CTIF: variants seen among roughly 807,000 people sequenced by gnomAD.
CTIF encodes CBP80/20-dependent translation initiation factor.
In CTIF, 21 loss-of-function variants were observed where a neutral mutation model predicts 66.0. The observed-to-expected ratio is 0.32, with a 90% CI of 0.23 to 0.46. The LOEUF (loss-of-function observed/expected upper bound fraction) is 0.46. Ranked by LOEUF, CTIF falls within the 20% of genes least tolerant of loss-of-function variation. The pLI, the probability that CTIF is intolerant of heterozygous loss-of-function variation, is 1.00. For missense variants in CTIF, 739 were observed against 812.7 expected, an observed-to-expected ratio of 0.91 and a Z score of 1.10; for synonymous variants, 345 against 326.4, an observed-to-expected ratio of 1.06 and a Z score of -0.62.
chr18:48,749,785 C>T (rs1388148891), intron 7 of CTIF, among the ~76,000 whole-genome samples: 1 of 152,212 alleles, frequency 6.6e-6, no homozygotes, highest in Non-Finnish European at 1.5e-5. Flanking sequence ...CTCTGGGGAT[C>T]TGGCTCCAAA....
intron 7 of CTIF, among the ~76,000 whole-genome samples, chr18:48,741,847 A>G (rs1276575518): frequency 6.6e-6 from 1 of 152,136 alleles, no homozygotes; most frequent in Non-Finnish European, 1.5e-5. Context: ...GGCCACACTC[A>G]GCACAAGAAG....
At chr18:48,647,418 A>C (rs560663298) in intron 3 of CTIF, among the ~76,000 whole-genome samples, 17 of 152,286 alleles carry the variant, frequency 1.1e-4, no homozygotes, top group African/African-American at 4.1e-4. Flanking sequence ...ACTTCATCAT[A>C]ATTAAACTTT....
At chr18:48,847,092 G>A (rs12373440) in intron 10 of CTIF, among the ~76,000 whole-genome samples, 41,268 of 151,794 alleles carry the variant, frequency 0.27, 5,784 homozygotes, top group Admixed American at 0.32. Flanking sequence ...GGCAAATCAC[G>A]AGGTCAAGAG....
intron 7 of CTIF, among the ~76,000 whole-genome samples, chr18:48,753,892 C>T (rs956906658): frequency 2.0e-5 from 3 of 152,204 alleles, no homozygotes; most frequent in Admixed American, 1.3e-4. Flanking sequence ...ACCCCAAACC[C>T]GCAGGTTTCG....
Position 48,859,828 on chromosome 18 carries a change from T to G in CTIF, c.*269T>G, listed in dbSNP as rs1235836968. On this transcript the variant is annotated 3_prime_UTR_variant, in exon 12 of 12. Transcript: ENST00000256413. Reference sequence around the variant, plus strand: ...TTCCTGGTGGCCCTGGCCCTCCCCTTCCTCACTCCCGCCTCTCCCCTCCCC... The same window carrying G: ...TTCCTGGTGGCCCTGGCCCTCCCCTGCCTCACTCCCGCCTCTCCCCTCCCC... 1 of 626,544 alleles carries G rather than the reference T, an allele frequency of 1.6e-6. No homozygotes were observed. Among genetic ancestry groups the G allele is most frequent in the Non-Finnish European group, 3.0e-6 (1 of 336,036 alleles). 38.8% of individuals were successfully genotyped at this position (626,544 alleles called of 1,614,324 possible).
At chr18:48,540,663 T>C (rs2088588216) in intron 1 of CTIF, among the ~76,000 whole-genome samples, 1 of 151,982 alleles carries the variant, frequency 6.6e-6, no homozygotes, top group Admixed American at 6.5e-5. Context: ...CGCGTGCGTC[T>C]CCACCCCGAG....
intron 9 of CTIF, among the ~76,000 whole-genome samples, chr18:48,783,235 C>A (rs1911404817): frequency 6.6e-6 from 1 of 152,178 alleles, no homozygotes; most frequent in South Asian, 2.1e-4. Flanking sequence ...GGGGCCAGTC[C>A]ACCAACCACA....
intron 7 of CTIF, among the ~76,000 whole-genome samples, chr18:48,726,649 A>T (rs2092389543): frequency 6.6e-6 from 1 of 152,180 alleles, no homozygotes; most frequent in South Asian, 2.1e-4. Context: ...AGAGAGACAG[A>T]CAGGAAGACA....
At chr18:48,545,995 G>C (rs1415934056) in intron 1 of CTIF, among the ~76,000 whole-genome samples, 1 of 152,172 alleles carries the variant, frequency 6.6e-6, no homozygotes, top group Non-Finnish European at 1.5e-5. Context: ...GTGAGTTAGG[G>C]GAGAGGCATT....
intron 9 of CTIF, among the ~76,000 whole-genome samples, chr18:48,764,671 C>G (rs1255844411): frequency 5.3e-5 from 8 of 152,316 alleles, no homozygotes; most frequent in South Asian, 2.1e-4. Flanking sequence ...TCTCCTCCCC[C>G]ACAGTGGAGG....
chr18:48,542,610 G>C lies in CTIF; in HGVS notation c.-29+3298G>C, dbSNP rs552388320. ...ACTCTGCTTCTCTACAAAGATAGTA[G>C]AGCAGAGATAGTTAAGTTGCAATGC... On this transcript the variant is annotated intron_variant, in intron 1 of 11. Coordinates refer to ENST00000256413, the MANE Select transcript of CTIF (RefSeq NM_014772.3). 1.5e-3 allele frequency among the ~76,000 whole-genome samples: 233 copies of C among 152,324 alleles called. 3 individuals carry two copies. The South Asian group carries it at 0.018, about 12-fold the overall frequency.
intron 10 of CTIF, among the ~76,000 whole-genome samples, chr18:48,831,186 C>T (rs1321374035): frequency 6.6e-6 from 1 of 152,214 alleles, no homozygotes; most frequent in Non-Finnish European, 1.5e-5. Flanking sequence ...GCAAGCAAGC[C>T]CAAAAGGGGC....
intron 6 of CTIF, among the ~76,000 whole-genome samples, chr18:48,687,220 G>A (rs1265951948): frequency 6.6e-6 from 1 of 151,696 alleles, no homozygotes; most frequent in Admixed American, 6.6e-5. Context: ...AGGTTGTATA[G>A]AGAGGATAAA....
intron 7 of CTIF, among the ~76,000 whole-genome samples, chr18:48,755,505 T>C (rs1451437818): frequency 6.6e-6 from 1 of 152,166 alleles, no homozygotes; most frequent in Non-Finnish European, 1.5e-5. Flanking sequence ...GGGCCCCACT[T>C]TTCTCATGGG....
At chr18:48,590,191 C>T (rs1223729715) in intron 1 of CTIF, among the ~76,000 whole-genome samples, 2 of 152,236 alleles carry the variant, frequency 1.3e-5, no homozygotes, top group Non-Finnish European at 2.9e-5. Context: ...AGAAGCCTGG[C>T]TCTGGGGCTC....
At chr18:48,640,135 G>C (rs1469106851) in intron 3 of CTIF, among the ~76,000 whole-genome samples, 3 of 152,098 alleles carry the variant, frequency 2.0e-5, no homozygotes, top group African/African-American at 7.2e-5. Flanking sequence ...ATCCTTCAAG[G>C]CTCCCTTCAG....
At chr18:48,649,404 C>T (rs1288595804) in intron 3 of CTIF, among the ~76,000 whole-genome samples, 5 of 152,224 alleles carry the variant, frequency 3.3e-5, no homozygotes, top group Admixed American at 6.5e-5. Flanking sequence ...GGGGGAGGGG[C>T]GTCTGCCATT....
intron 7 of CTIF, among the ~76,000 whole-genome samples, chr18:48,741,895 G>A (rs1474056775): frequency 1.3e-5 from 2 of 152,182 alleles, no homozygotes; most frequent in Admixed American, 6.5e-5. Context: ...GAGAGCCAGC[G>A]AGTGCCACTG....
intron 6 of CTIF, among the ~76,000 whole-genome samples, chr18:48,710,893 G>A (rs959553220): frequency 3.9e-5 from 6 of 152,104 alleles, no homozygotes; most frequent in Admixed American, 3.9e-4. Context: ...GATTGCTTGA[G>A]CTCAGGAGGT....
Sources: gnomAD v4.1 joint callset for allele counts (sites outside exome capture counted in the v4.1 genomes callset) on GRCh38, gnomAD v4.1.1 for gene constraint, MANE v1.5 for transcripts, NCBI Gene and HGNC (gene_info 2026-07-23, HGNC 2026-07-21) for gene names.